ARHGEF10L: variants seen among roughly 807,000 people sequenced by gnomAD.
The protein encoded by ARHGEF10L is Rho guanine nucleotide exchange factor 10 like, also known as rho guanine nucleotide exchange factor 10-like protein.
In ARHGEF10L, 69 loss-of-function variants were observed where a neutral mutation model predicts 141.2. The observed-to-expected ratio is 0.49, with a 90% CI of 0.40 to 0.60. The LOEUF is 0.60. Among genes scored for constraint, ARHGEF10L ranks in the 20% least tolerant of loss-of-function variants. The pLI, the probability that ARHGEF10L is intolerant of heterozygous loss-of-function variation, is 0.00. For synonymous variants in ARHGEF10L, 711 were observed against 718.5 expected (o/e 0.99, Z 0.17); for missense variants, 1,482 against 1,734.3 (o/e 0.85, Z 2.58).
chr1:17,587,577 T>TC lies in ARHGEF10L; in HGVS notation c.159dup (p.Ser54GlnfsTer5). 6.2e-7 allele frequency: 1 copy of TC among 1,614,070 alleles called. No homozygotes were observed. Among genetic ancestry groups the TC allele is most frequent in the Non-Finnish European group, 8.5e-7 (1 of 1,179,984 alleles). On this transcript the variant is annotated frameshift_variant, in exon 3 of 29. Transcript: ENST00000361221. LOFTEE classifies it high-confidence loss of function. ...GAGGACACCAGCGCAGCCCTGGGCG[T>TC]CCCCAGCCTTGCTCCTGAGAGGGAC...
chr1:17,602,793 G>T (rs1414918614), intron 5 of ARHGEF10L, among the ~76,000 whole-genome samples: 1 of 152,312 alleles, frequency 6.6e-6, no homozygotes, highest in East Asian at 1.9e-4. Context: ...ACAGAAGGAA[G>T]GCCAGTGATG....
Position 17,664,583 on chromosome 1 carries a change from C to T in ARHGEF10L, c.2997C>T (p.Thr999=), listed in dbSNP as rs1205114580. 1 of 1,596,134 alleles carries T rather than the reference C, an allele frequency of 6.3e-7. No individual in the cohort carries two copies. Among genetic ancestry groups the T allele is most frequent in the Non-Finnish European group, 8.5e-7 (1 of 1,174,088 alleles). Residue 999 remains threonine (T), a synonymous_variant, in exon 26 of 29, where the codon ACC becomes ACT. Transcript: ENST00000361221. Reference sequence around the variant, plus strand: ...GGGTCACTGTCCTGGAAGCCACCACCCTGCAGCCTCAGGTACTGCACTATC... The same window carrying T: ...GGGTCACTGTCCTGGAAGCCACCACTCTGCAGCCTCAGGTACTGCACTATC... ...GPRVTVLEAT[T]LQPQQSFEAH... is the part of the protein sequence containing the mutation.
At chr1:17,617,907 T>C (rs1557836260) in intron 9 of ARHGEF10L, among the ~76,000 whole-genome samples, 1 of 152,208 alleles carries the variant, frequency 6.6e-6, no homozygotes, top group Non-Finnish European at 1.5e-5. Flanking sequence ...AGACCCTGGC[T>C]CTGCGGCTTT....
chr1:17,621,829 T>A lies in ARHGEF10L; in HGVS notation c.943-35T>A. On this transcript the variant is annotated intron_variant, in intron 10 of 28. Transcript: ENST00000361221. This position sits in a 1 kb window ranked among gnomAD's most constrained non-coding sequence, Gnocchi z 4.1. ...TCACTTGGGCCCTGTGCAGCAGGTG[T>A]CATGTGCGCTGACCGTGCTTTTTGG... 1 of 1,457,814 alleles carries A rather than the reference T, an allele frequency of 6.9e-7. No homozygotes were observed. The highest frequency in any genetic ancestry group is 1.1e-5 in the South Asian group (1 of 87,004). The allele number at this position is 1,457,814 out of a possible 1,614,324, so 90.3% of individuals were successfully genotyped here. A position where few individuals can be genotyped will look rare whatever the true frequency, so the allele number is the denominator to read the frequency against.
chr1:17,602,341 T>G (rs2080766505), intron 5 of ARHGEF10L, 123 bp downstream of exon 5: 9 of 1,170,018 alleles, frequency 7.7e-6, no homozygotes, highest in Non-Finnish European at 1.2e-6. Context: ...CACCGGGGGC[T>G]TCTGTGGCCC....
Position 17,602,334 on chromosome 1 carries a change from C to T in ARHGEF10L, c.349+116C>T, listed in dbSNP as rs545361771. ...CTGTGAGCCCAGGGTTCATCCTCAC[C>T]GGGGGCTTCTGTGGCCCTGGAGGAC... On this transcript the variant is annotated intron_variant, in intron 5 of 28. Coordinates refer to ENST00000361221, the MANE Select transcript of ARHGEF10L (RefSeq NM_018125.4). The T allele has an allele frequency of 1.4e-4, 177 of 1,242,052 alleles. 1 individual carries two copies. In the African/African-American group the frequency reaches 1.7e-3, roughly 12 times the overall value. 76.9% of individuals were successfully genotyped at this position (1,242,052 alleles called of 1,614,324 possible).
intron 22 of ARHGEF10L, among the ~76,000 whole-genome samples, chr1:17,653,411 G>A (rs1470301962): frequency 6.6e-6 from 1 of 152,200 alleles, no homozygotes; most frequent in Non-Finnish European, 1.5e-5. Context: ...CTTCGACCCG[G>A]CTCTGTTGAC....
intron 26 of ARHGEF10L, among the ~76,000 whole-genome samples, chr1:17,674,395 C>T (rs2063511230): frequency 6.6e-6 from 1 of 152,224 alleles, no homozygotes; most frequent in African/African-American, 2.4e-5. Flanking sequence ...AGCCCAGTGA[C>T]AGCACAGGTC....
At chr1:17,554,128 C>T (rs937569220) in intron 1 of ARHGEF10L, among the ~76,000 whole-genome samples, 5 of 152,184 alleles carry the variant, frequency 3.3e-5, no homozygotes, top group African/African-American at 1.2e-4. Context: ...CTGCAAAACC[C>T]GTTCTCCCGG....
intron 7 of ARHGEF10L, among the ~76,000 whole-genome samples, chr1:17,611,977 GTCCATCCATCCATCCA>G (rs60216346): frequency 6.7e-6 from 1 of 150,006 alleles, no homozygotes; most frequent in Non-Finnish European, 1.5e-5. Flanking sequence ...CCATCGGTTT[GTCCATCCATCCATCCA>G]TCCATCCATC....
intron 22 of ARHGEF10L, among the ~76,000 whole-genome samples, chr1:17,651,731 C>T (rs557073166): frequency 2.0e-5 from 3 of 152,300 alleles, no homozygotes; most frequent in East Asian, 1.9e-4. Flanking sequence ...CTGCTGGCCC[C>T]GGCTCACTGT....
chr1:17,582,317 A>C (rs1022655917), intron 2 of ARHGEF10L, among the ~76,000 whole-genome samples: 14 of 152,100 alleles, frequency 9.2e-5, no homozygotes, highest in Non-Finnish European at 1.9e-4. Context: ...GAGAAAAAAA[A>C]ATTTATGACT....
intron 26 of ARHGEF10L, among the ~76,000 whole-genome samples, chr1:17,667,286 GAC>G (rs1011043773): frequency 6.6e-5 from 10 of 152,218 alleles, no homozygotes; most frequent in Admixed American, 3.3e-4. Flanking sequence ...TGATGTGGAA[GAC>G]ACAGCCTGTC....
intron 4 of ARHGEF10L, among the ~76,000 whole-genome samples, chr1:17,592,343 G>A (rs577238497): frequency 7.9e-4 from 121 of 152,280 alleles, no homozygotes; most frequent in African/African-American, 2.9e-3. Context: ...GGCCCTGGTC[G>A]CAGGGATTCT....
chr1:17,687,892 G>A (rs1281130126), intron 27 of ARHGEF10L, 145 bp downstream of exon 27: 2 of 916,020 alleles, frequency 2.2e-6, no homozygotes, highest in East Asian at 2.9e-5. Flanking sequence ...CCCAGGAAGT[G>A]GTGGGGTTGG....
Position 17,558,234 on chromosome 1 carries a change from C to T in ARHGEF10L, c.-44+18284C>T, listed in dbSNP as rs911483333. 6.6e-6 allele frequency among the ~76,000 whole-genome samples: 1 copy of T among 152,000 alleles called. No individual in the cohort carries two copies. Among genetic ancestry groups the T allele is most frequent in the Non-Finnish European group, 1.5e-5 (1 of 68,002 alleles). ...CCATCCGCCTGCCCATCCATTCATC[C>T]ATTTATCTACCCATCCACCTACTCA... is the stretch of plus-strand genomic sequence containing the variant. On this transcript the variant is annotated intron_variant, in intron 1 of 28. Coordinates refer to ENST00000361221, the MANE Select transcript of ARHGEF10L (RefSeq NM_018125.4). The surrounding 1 kb of genome is among the most constrained non-coding windows in gnomAD (Gnocchi z 4.2).
Position 17,544,574 on chromosome 1 carries a change from C to T in ARHGEF10L, c.-44+4624C>T, listed in dbSNP as rs1378882861. ...CCTCCCAAAGTGCTGGGATTACAGG[C>T]GTGAGCCACCATGCCCAGCCTGTAA... On this transcript the variant is annotated intron_variant, in intron 1 of 28. Transcript: ENST00000361221. Among the ~76,000 whole-genome samples, 5 of 152,070 alleles carry T rather than the reference C, an allele frequency of 3.3e-5. 1 individual carries two copies. Among genetic ancestry groups the T allele is most frequent in the Non-Finnish European group, 5.9e-5 (4 of 68,020 alleles).
In ARHGEF10L at chr1:17,587,466, A is replaced by G. The variant is rs779958447; in HGVS notation, c.44A>G (p.Gln15Arg). 1.2e-6 allele frequency: 2 copies of G among 1,612,546 alleles called. No individual in the cohort carries two copies. Among genetic ancestry groups the G allele is most frequent in the Admixed American group, 3.4e-5 (2 of 59,644 alleles). ...AACTCCTTCTCTCTTCCAGGAGATC[A>G]GCTGGTTCCAGGAGTCCCAGGCCCC... ...NPPPQPAIGD[Q>R]LVPGVPGPSS... Residue 15 changes from glutamine to arginine, a missense_variant, in exon 3 of 29, where the codon CAG (glutamine) becomes CGG (arginine). Around this residue, in one of 3 missense-constraint regions of ARHGEF10L, gnomAD observed 232 missense variants for 225.9 expected, o/e 1.03. Coordinates refer to ENST00000361221, the MANE Select transcript of ARHGEF10L (RefSeq NM_018125.4).
the ARHGEF10L span, among the ~76,000 whole-genome samples, chr1:17,517,631 T>C: frequency 6.6e-6 from 1 of 151,990 alleles, no homozygotes; most frequent in African/African-American, 2.4e-5. Flanking sequence ...ATAACACATG[T>C]AAGAGCCAAT....
Sources: allele counts gnomAD v4.1 joint callset (sites outside exome capture counted in the v4.1 genomes callset), GRCh38; gene constraint gnomAD v4.1.1; regional missense constraint gnomAD v4.1.1; non-coding constraint Gnocchi (gnomAD v3.1); transcripts MANE v1.5; gene names NCBI Gene and HGNC (gene_info 2026-07-23, HGNC 2026-07-21).